The following GABRA3 variants were observed in gnomAD, a reference collection of about 807,000 sequenced individuals.
GABRA3 encodes the protein gamma-aminobutyric acid type A receptor subunit alpha3, also known as gamma-aminobutyric acid receptor subunit alpha-3.
A neutral mutation model predicts 30.1 loss-of-function variants in GABRA3; 10 were observed. That is an observed-to-expected ratio of 0.33 (90% CI 0.20 to 0.56). The LOEUF (loss-of-function observed/expected upper bound fraction) is 0.56. Ranked by LOEUF, GABRA3 falls within the 20% of genes least tolerant of loss-of-function variation. The probability of loss-of-function intolerance (pLI) is 0.89; values close to 1 mark genes in which losing one functional copy is unlikely to be tolerated. For missense variants in GABRA3, 233 were observed against 392.0 expected (o/e 0.59, Z 3.42); for synonymous variants, 151 against 146.8 (o/e 1.03, Z -0.21).
chrX:152,421,802 T>A (rs73639089), intron 1 of GABRA3, among the ~76,000 whole-genome samples: 1,915 of 111,775 alleles, frequency 0.017, 38 homozygotes, highest in African/African-American at 0.059. Context: ...TTATGATCAA[T>A]CTCAAAAGTC....
At chrX:152,335,076 C>T (rs774633260) in intron 3 of GABRA3, among the ~76,000 whole-genome samples, 1 of 111,521 alleles carries the variant, frequency 9.0e-6, no homozygotes, top group Non-Finnish European at 1.9e-5. Flanking sequence ...CCCTCACTTA[C>T]GGCACGGAGA....
At chrX:152,216,389 A>AACACACACACAC (rs60255687) in intron 6 of GABRA3, among the ~76,000 whole-genome samples, 3 of 77,616 alleles carry the variant, frequency 3.9e-5, no homozygotes, top group East Asian at 4.0e-4. Context: ...ATAATATATA[A>AACACACACACAC]ACACACACAC....
At chrX:152,414,239 C>A (rs746292183) in intron 1 of GABRA3, among the ~76,000 whole-genome samples, 1 of 110,795 alleles carries the variant, frequency 9.0e-6, no homozygotes, top group South Asian at 3.8e-4. Flanking sequence ...AATATTTTTA[C>A]AGGTAAATAA....
rs760258150 is a variant in GABRA3 at position 152,352,430 on chromosome X, T to C, written c.141-6728A>G. 7.2e-5 allele frequency among the ~76,000 whole-genome samples: 8 copies of C among 111,779 alleles called. No homozygotes were observed. The South Asian group carries it at 3.0e-3, about 42-fold the overall frequency. ...AATGAAAAACCTTTACAATACATTA[T>C]CTTTTAGGCAATGGGAGAAAGTCAA... On this transcript the variant is annotated intron_variant, in intron 2 of 9. Transcript: ENST00000370314.
chrX:152,272,402 A>ATTTG (rs1938960341), intron 4 of GABRA3, among the ~76,000 whole-genome samples: 1 of 110,388 alleles, frequency 9.1e-6, no homozygotes, highest in Non-Finnish European at 1.9e-5. Context: ...CCTGTTGCCA[A>ATTTG]TTTGGCCAAT....
At chrX:152,356,803 C>A (rs200717095) in intron 2 of GABRA3, among the ~76,000 whole-genome samples, 2 of 111,649 alleles carry the variant, frequency 1.8e-5, no homozygotes, top group East Asian at 5.6e-4. Flanking sequence ...TCCATGTGTA[C>A]TCAATGTTCA....
intron 6 of GABRA3, among the ~76,000 whole-genome samples, chrX:152,223,827 A>G (rs1441162375): frequency 9.1e-6 from 1 of 110,446 alleles, no homozygotes; most frequent in Non-Finnish European, 1.9e-5. Context: ...ATGTTTTCCC[A>G]TGTTGCTTCT....
chrX:152,352,120 A>C (rs1940487373), intron 2 of GABRA3, among the ~76,000 whole-genome samples: 1 of 111,382 alleles, frequency 9.0e-6, no homozygotes, highest in Non-Finnish European at 1.9e-5. Context: ...TGCGGCACAG[A>C]GACATAAAGT....
chrX:152,361,091 T>TA lies in GABRA3; in HGVS notation c.140+3339dup, dbSNP rs760348032. On this transcript the variant is annotated intron_variant, in intron 2 of 9. Coordinates refer to ENST00000370314, the MANE Select transcript of GABRA3 (RefSeq NM_000808.4). ...GGGTAGCAGAGTAAGACCACGTCTT[T>TA]AAAAAAAAAAAAAAAAAGAAAGAAA... is the stretch of plus-strand genomic sequence containing the variant. Among the ~76,000 whole-genome samples the TA allele has an allele frequency of 7.4e-3, 634 of 85,415 alleles. 17 individuals are homozygous for TA. In the East Asian group the frequency reaches 0.083, roughly 11 times the overall value. 74.2% of individuals were successfully genotyped at this position (85,415 alleles called of 115,157 possible).
At chrX:152,280,744 C>A (rs184019181) in intron 4 of GABRA3, among the ~76,000 whole-genome samples, 22 of 110,977 alleles carry the variant, frequency 2.0e-4, no homozygotes, top group Middle Eastern at 4.6e-3. Flanking sequence ...CACTGTATAT[C>A]CTAGGAAATT....
At chrX:152,440,054 A>G (rs1569425408) in intron 1 of GABRA3, among the ~76,000 whole-genome samples, 1 of 112,432 alleles carries the variant, frequency 8.9e-6, no homozygotes, top group Admixed American at 9.4e-5. Flanking sequence ...GCTTCTGCAC[A>G]GCAAAAGAGA....
intron 1 of GABRA3, among the ~76,000 whole-genome samples, chrX:152,406,416 A>G (rs1929936885): frequency 9.2e-6 from 1 of 108,884 alleles, no homozygotes; most frequent in Admixed American, 9.9e-5. Context: ...TGGAAACCCA[A>G]AACAGAAGGA....
chrX:152,330,187 A>AG (rs1940139761), intron 3 of GABRA3, among the ~76,000 whole-genome samples: 1 of 112,076 alleles, frequency 8.9e-6, no homozygotes, highest in Admixed American at 9.5e-5. Flanking sequence ...ATCATTAAAA[A>AG]GTCAGGAAAC....
rs374488818 is a variant in GABRA3 at position 152,189,714 on chromosome X, T to C, written c.1143+16A>G. ...TCTCGGGGGTGCTTCTCAGTTTCTC[T>C]TTTGCTATATCTCACCTTCATCTCC... is the stretch of plus-strand genomic sequence containing the variant. On this transcript the variant is annotated intron_variant, in intron 9 of 9. Transcript: ENST00000370314. 2.9e-5 allele frequency: 34 copies of C among 1,166,385 alleles called. No homozygotes were observed. Among genetic ancestry groups the C allele is most frequent in the Non-Finnish European group, 3.8e-5 (33 of 860,548 alleles).
chrX:152,272,417 C>A lies in GABRA3; in HGVS notation c.330+12251G>T, dbSNP rs1359851476. Among the ~76,000 whole-genome samples the A allele has an allele frequency of 3.6e-5, 4 of 112,521 alleles. No homozygotes were observed. The Admixed American group carries it at 3.7e-4, about 11-fold the overall frequency. ...CCTGTTGCCAATTTGGCCAATTTCT[C>A]CCCTTTGGAATGGATGTATTTATCC... On this transcript the variant is annotated intron_variant, in intron 4 of 9. Transcript: ENST00000370314.
intron 3 of GABRA3, among the ~76,000 whole-genome samples, chrX:152,307,910 T>C (rs768459846): frequency 3.8e-4 from 43 of 112,367 alleles, no homozygotes; most frequent in Non-Finnish European, 6.4e-4. Flanking sequence ...ACAGGACTTC[T>C]GCCTTTGTGG....
chrX:152,333,946 A>T (rs1940197972), intron 3 of GABRA3, among the ~76,000 whole-genome samples: 1 of 111,619 alleles, frequency 9.0e-6, no homozygotes, highest in South Asian at 3.7e-4. Context: ...AATAGTCAAG[A>T]TAATCTTGAA....
At chrX:152,347,100 T>C (rs924560758) in intron 2 of GABRA3, among the ~76,000 whole-genome samples, 3 of 111,851 alleles carry the variant, frequency 2.7e-5, no homozygotes, top group African/African-American at 9.7e-5. Flanking sequence ...TAAATATCCA[T>C]AGTAGATGAT....
intron 3 of GABRA3, among the ~76,000 whole-genome samples, chrX:152,331,642 A>C (rs1940168279): frequency 8.9e-6 from 1 of 111,986 alleles, no homozygotes; most frequent in South Asian, 3.7e-4. Context: ...GTAAAACAAT[A>C]AATTTACCAT....
Sources: gnomAD v4.1 joint callset for allele counts (sites outside exome capture counted in the v4.1 genomes callset) on GRCh38, gnomAD v4.1.1 for gene constraint, MANE v1.5 for transcripts, NCBI Gene and HGNC (gene_info 2026-07-23, HGNC 2026-07-21) for gene names.